Variants in COLQ observed in about 807,000 individuals in gnomAD.
COLQ encodes acetylcholinesterase collagenic tail peptide.
COLQ carries 48 observed loss-of-function variants against 69.0 expected under a neutral mutation model. The observed-to-expected ratio is 0.70, with a 90% confidence interval of 0.55 to 0.88. COLQ has a LOEUF of 0.88. Among genes scored for constraint, COLQ ranks in the 40% least tolerant of loss-of-function variants. The pLI is 0.00. For synonymous variants in COLQ, 217 were observed against 211.2 expected (o/e 1.03, Z -0.24); for missense variants, 618 against 594.6 (o/e 1.04, Z -0.41).
chr3:15,501,329 C>T (rs2062826789), intron 1 of COLQ, among the ~76,000 whole-genome samples: 2 of 152,190 alleles, frequency 1.3e-5, no homozygotes, highest in Non-Finnish European at 2.9e-5. Context: ...AGGCCTGTTC[C>T]CTGCCGATGG....
chr3:15,521,427 G>T, intron 1 of COLQ, 93 bp downstream of exon 1: 2 of 1,531,936 alleles, frequency 1.3e-6, no homozygotes, highest in East Asian at 2.4e-5. Context: ...ACAGTTGAAT[G>T]GCAAAAACAT....
In COLQ at chr3:15,457,720, C is replaced by T. The variant is rs142800883; in HGVS notation, c.954+466G>A. On this transcript the variant is annotated intron_variant, in intron 13 of 16. Coordinates refer to ENST00000383788, the MANE Select transcript of COLQ (RefSeq NM_005677.4). ...CTCCGCCTCCTGGGTTCAAGCGATT[C>T]TCCCACCTCAGCCTCCCAAGTAGCT... Among the ~76,000 whole-genome samples the T allele has an allele frequency of 2.6e-3, 398 of 152,070 alleles. 2 individuals are homozygous for T. The highest frequency in any genetic ancestry group is 6.8e-3 in the Middle Eastern group (2 of 294).
chr3:15,511,477 G>C (rs1395130884), intron 1 of COLQ, among the ~76,000 whole-genome samples: 2 of 152,192 alleles, frequency 1.3e-5, no homozygotes, highest in Non-Finnish European at 2.9e-5. Flanking sequence ...GGCCCAGATT[G>C]TTCCTAAAGT....
intron 13 of COLQ, 113 bp downstream of exon 13, chr3:15,458,073 T>G: frequency 3.4e-6 from 4 of 1,175,296 alleles, no homozygotes; most frequent in Non-Finnish European, 5.1e-6. Flanking sequence ...GAGGGTGTAC[T>G]CAGAGTCGTG....
chr3:15,491,211 G>A (rs73816219), intron 1 of COLQ, among the ~76,000 whole-genome samples: 6,614 of 152,066 alleles, frequency 0.043, 466 homozygotes, highest in African/African-American at 0.15. Flanking sequence ...AAGAAAAGTG[G>A]GTGTGTTTTC....
chr3:15,516,219 G>T (rs1443263362), intron 1 of COLQ, among the ~76,000 whole-genome samples: 1 of 152,176 alleles, frequency 6.6e-6, no homozygotes. Context: ...GCATTACGGA[G>T]CATTAAACAA....
In COLQ at chr3:15,521,515, T is replaced by C. The variant is rs755773953; in HGVS notation, c.106+5A>G. ...GAAGAGAGGAAAGTTGTGGCCATCA[T>C]TTACCTGCTGAGATTGGAAGAACGC... is the stretch of plus-strand genomic sequence containing the variant. On this transcript the variant is annotated splice_donor_5th_base_variant and intron_variant, in intron 1 of 16. Coordinates refer to ENST00000383788, the MANE Select transcript of COLQ (RefSeq NM_005677.4). The C allele has an allele frequency of 1.2e-6, 2 of 1,614,112 alleles. No homozygotes were observed. Among genetic ancestry groups the C allele is most frequent in the Admixed American group, 1.7e-5 (1 of 60,024 alleles).
At chr3:15,468,017 G>A (rs2062226191) in intron 11 of COLQ, 1 of 454,454 alleles carries the variant, frequency 2.2e-6, no homozygotes, top group East Asian at 6.9e-5. Context: ...ACCAAGCTGG[G>A]TCTCAGGATG....
intron 12 of COLQ, among the ~76,000 whole-genome samples, chr3:15,462,461 A>G (rs2062134167): frequency 6.6e-6 from 1 of 152,132 alleles, no homozygotes; most frequent in Admixed American, 6.5e-5. Context: ...CCTCCTCAGA[A>G]AGGAAGTGGC....
intron 15 of COLQ, among the ~76,000 whole-genome samples, chr3:15,455,027 C>A (rs2062005663): frequency 6.6e-6 from 1 of 152,042 alleles, no homozygotes; most frequent in African/African-American, 2.4e-5. Flanking sequence ...GCCCTGAGCC[C>A]CAGCCTGGAT....
At chr3:15,492,067 AAAAG>A (rs1223712552) in intron 1 of COLQ, among the ~76,000 whole-genome samples, 6 of 152,134 alleles carry the variant, frequency 3.9e-5, no homozygotes, top group African/African-American at 1.2e-4. Context: ...AAAAAAAAAA[AAAAG>A]AAAGTGATTT....
chr3:15,495,907 C>T (rs894504380), intron 1 of COLQ, among the ~76,000 whole-genome samples: 3 of 152,102 alleles, frequency 2.0e-5, no homozygotes, highest in African/African-American at 7.2e-5. Flanking sequence ...ACAGTTTCTC[C>T]TTTGCTTCTC....
intron 9 of COLQ, 61 bp from the exon 10 acceptor site, chr3:15,474,096 G>A (rs2062335923): frequency 6.2e-7 from 1 of 1,610,730 alleles, no homozygotes; most frequent in Non-Finnish European, 8.5e-7. Context: ...AATGGCTGTG[G>A]ACAGGCTTTG....
intron 1 of COLQ, among the ~76,000 whole-genome samples, chr3:15,508,981 T>A (rs999458598): frequency 7.9e-5 from 12 of 152,062 alleles, no homozygotes; most frequent in Non-Finnish European, 1.6e-4. Context: ...CTAGACCCTG[T>A]CTTTACTAAA....
In COLQ at chr3:15,473,413, C is replaced by A. The variant is rs1370425972; in HGVS notation, c.636+587G>T. Reference sequence around the variant, plus strand: ...GTTCAAGCCATCTGCCCACCTCGGCCTCCCAAAGTGCTGGGATTACAGGCA... The same window carrying A: ...GTTCAAGCCATCTGCCCACCTCGGCATCCCAAAGTGCTGGGATTACAGGCA... On this transcript the variant is annotated intron_variant, in intron 10 of 16. Coordinates refer to ENST00000383788, the MANE Select transcript of COLQ (RefSeq NM_005677.4). This position sits in a 1 kb window ranked among gnomAD's most constrained non-coding sequence, Gnocchi z 4.0. Among the ~76,000 whole-genome samples, 1 of 152,222 alleles carries A rather than the reference C, an allele frequency of 6.6e-6. No individual in the cohort carries two copies. The highest frequency in any genetic ancestry group is 1.5e-5 in the Non-Finnish European group (1 of 68,048).
At chr3:15,518,009 G>A (rs920666421) in intron 1 of COLQ, among the ~76,000 whole-genome samples, 2 of 152,192 alleles carry the variant, frequency 1.3e-5, no homozygotes, top group Non-Finnish European at 2.9e-5. Flanking sequence ...GCAATGGCGC[G>A]ATCTCAGCTC....
chr3:15,452,346 C>T (rs139461018), intron 16 of COLQ, among the ~76,000 whole-genome samples: 11 of 152,282 alleles, frequency 7.2e-5, no homozygotes, highest in African/African-American at 2.4e-4. Context: ...GAATTACAGG[C>T]GTGAGTCACA....
At position 15,477,205 on chromosome 3, in the gene COLQ, G is replaced by C; in HGVS notation, c.394-8C>G. ...TGGGGGGCCAGGTCTACCCTTCAAAGACCAAGAACAAAAGTCAGGGCAACT... is the reference window on the plus strand; with the variant it reads ...TGGGGGGCCAGGTCTACCCTTCAAACACCAAGAACAAAAGTCAGGGCAACT... On this transcript the variant is annotated splice_polypyrimidine_tract_variant and splice_region_variant and intron_variant, in intron 5 of 16. Coordinates refer to ENST00000383788, the MANE Select transcript of COLQ (RefSeq NM_005677.4). The C allele has an allele frequency of 6.2e-7, 1 of 1,603,828 alleles. No homozygotes were observed. The highest frequency in any genetic ancestry group is 8.5e-7 in the Non-Finnish European group (1 of 1,175,436).
chr3:15,500,334 T>G lies in COLQ; in HGVS notation c.107-10697A>C, dbSNP rs58434726. Reference sequence around the variant, plus strand: ...TTGCAGAAGTATCTGCATCACATTTTCCTGACTTTCTCTATTCTGAGTCAT... The same window carrying G: ...TTGCAGAAGTATCTGCATCACATTTGCCTGACTTTCTCTATTCTGAGTCAT... On this transcript the variant is annotated intron_variant, in intron 1 of 16. Coordinates refer to ENST00000383788, the MANE Select transcript of COLQ (RefSeq NM_005677.4). 5.4e-3 allele frequency among the ~76,000 whole-genome samples: 819 copies of G among 152,346 alleles called. 5 individuals carry two copies. The highest frequency in any genetic ancestry group is 0.018 in the African/African-American group (752 of 41,572).
Sources: gnomAD v4.1 joint callset for allele counts (sites outside exome capture counted in the v4.1 genomes callset) on GRCh38, gnomAD v4.1.1 for gene constraint, Gnocchi (gnomAD v3.1) non-coding constraint, MANE v1.5 for transcripts, NCBI Gene and HGNC (gene_info 2026-07-23, HGNC 2026-07-21) for gene names.